The following SSUH2 variants were observed in gnomAD, a reference collection of about 807,000 sequenced individuals.
SSUH2 encodes the protein ssu-2 homolog, also known as protein SSUH2 homolog.
Under a neutral mutation model 55.3 loss-of-function variants are expected in SSUH2, and 47 were observed. That is an observed-to-expected ratio of 0.85 (90% confidence interval 0.67 to 1.08). The LOEUF (loss-of-function observed/expected upper bound fraction) is 1.08. Ranked by LOEUF, SSUH2 falls within the 50% of genes least tolerant of loss-of-function variation. SSUH2 has a pLI of 0.00. For synonymous variants in SSUH2, 212 were observed against 191.5 expected, an observed-to-expected ratio of 1.11 and a Z score of -0.89; for missense variants, 535 against 490.7, an observed-to-expected ratio of 1.09 and a Z score of -0.85.
At position 8,679,264 on chromosome 3, in the gene SSUH2, CT is replaced by C. The variant is rs1159011612; in HGVS notation, c.-901+440del. Among the ~76,000 whole-genome samples, 2 of 76,218 alleles carry C rather than the reference CT, an allele frequency of 2.6e-5. 1 individual carries two copies. Among genetic ancestry groups the C allele is most frequent in the Non-Finnish European group, 5.8e-5 (2 of 34,420 alleles). 50.0% of individuals were successfully genotyped at this position (76,218 alleles called of 152,430 possible). A position where few individuals can be genotyped will look rare whatever the true frequency, so the allele number is the denominator to read the frequency against. ...GAGAGCCAGCCAATTTTCCCCCTGGCTTTTAGGACCCCCATCGGAGGGGGGG... is the reference window on the plus strand; with the variant it reads ...GAGAGCCAGCCAATTTTCCCCCTGGCTTTAGGACCCCCATCGGAGGGGGGG... On this transcript the variant is annotated intron_variant, in intron 2 of 18. Transcript: ENST00000317371.
chr3:8,634,476 G>A lies in SSUH2; in HGVS notation c.210-681C>T, dbSNP rs1320366224. The A allele has an allele frequency of 4.7e-6, 6 of 1,289,772 alleles. No homozygotes were observed. The East Asian group carries it at 2.8e-4, about 60-fold the overall frequency. 79.9% of individuals were successfully genotyped at this position (1,289,772 alleles called of 1,614,324 possible). ...CTTGCATCTTCATGCATTTCTCCAT[G>A]GCAGCCCTGAGAGCCATTAATCCAC... is the stretch of plus-strand genomic sequence containing the variant. On this transcript the variant is annotated intron_variant, in intron 3 of 11. Transcript: ENST00000544814.
At chr3:8,643,903 C>T (rs1368645546) in intron 1 of SSUH2, among the ~76,000 whole-genome samples, 13 of 152,110 alleles carry the variant, frequency 8.5e-5, no homozygotes, top group Non-Finnish European at 1.8e-4. Context: ...AAGTGATTTG[C>T]CCAAGATCAC....
At chr3:8,681,634 G>A (rs889129243) in intron 1 of SSUH2, among the ~76,000 whole-genome samples, 7 of 148,478 alleles carry the variant, frequency 4.7e-5, no homozygotes, top group African/African-American at 1.7e-4. Flanking sequence ...CATCGCAGGA[G>A]GGTGAGGCAC....
Position 8,633,817 on chromosome 3 carries a change from G to T in SSUH2, c.210-22C>A, listed in dbSNP as rs1331736114. 2.5e-6 allele frequency: 4 copies of T among 1,612,104 alleles called. No individual in the cohort carries two copies. The East Asian group carries it at 8.9e-5, about 36-fold the overall frequency. ...GACTCTGCAGGGGACCGAACAGAGA[G>T]GCGGGGGCTTCTGGGAAGGGCCTGT... On this transcript the variant is annotated intron_variant, in intron 3 of 11. Transcript: ENST00000544814.
rs140276311 is a variant in SSUH2 at position 8,624,699 on chromosome 3, G to A, written c.873+843C>T. The stretch of plus-strand genomic sequence containing the variant: ...AGCTCTGTCCCACCATCAGGAAAGC[G>A]GCCATAGACAACCTGTCAGAAAATG... On this transcript the variant is annotated intron_variant, in intron 10 of 11. Transcript: ENST00000544814. 7.2e-4 allele frequency among the ~76,000 whole-genome samples: 110 copies of A among 152,300 alleles called. 1 individual carries two copies. Among genetic ancestry groups the A allele is most frequent in the South Asian group, 6.6e-3 (32 of 4,822 alleles).
chr3:8,673,753 C>T (rs1384623513), intron 3 of SSUH2, among the ~76,000 whole-genome samples: 8 of 152,126 alleles, frequency 5.3e-5, no homozygotes, highest in African/African-American at 1.9e-4. Context: ...TTACCAGGAA[C>T]CGAACACCTG....
intron 5 of SSUH2, chr3:8,664,050 T>C (rs1344836895): frequency 6.0e-6 from 2 of 335,238 alleles, no homozygotes; most frequent in Non-Finnish European, 1.2e-5. Context: ...ACGAGGTTTC[T>C]GCTGACCCAG....
At chr3:8,659,130 T>C (rs1427949380) in intron 6 of SSUH2, 1 of 152,184 alleles carries the variant, frequency 6.6e-6, no homozygotes, top group African/African-American at 2.4e-5. Context: ...ATCCATGCTG[T>C]TTCTTGGCGC....
At chr3:8,641,354 C>T (rs973994486) in intron 1 of SSUH2, among the ~76,000 whole-genome samples, 14 of 152,206 alleles carry the variant, frequency 9.2e-5, no homozygotes, top group African/African-American at 2.2e-4. Context: ...TAACCTGCTA[C>T]GCAGTCTTTG....
intron 6 of SSUH2, among the ~76,000 whole-genome samples, chr3:8,662,206 C>T (rs1425769904): frequency 6.6e-6 from 1 of 152,208 alleles, no homozygotes; most frequent in Non-Finnish European, 1.5e-5. Flanking sequence ...TAACACAGAA[C>T]AAAAGGCAGA....
intron 2 of SSUH2, among the ~76,000 whole-genome samples, chr3:8,678,372 C>G (rs1176041231): frequency 1.3e-5 from 2 of 152,078 alleles, no homozygotes; most frequent in African/African-American, 4.8e-5. Flanking sequence ...GTAATATCAT[C>G]CTCTCCCTTT....
intron 3 of SSUH2, among the ~76,000 whole-genome samples, chr3:8,673,577 G>A (rs62244229): frequency 0.073 from 11,146 of 152,266 alleles, 480 homozygotes; most frequent in Non-Finnish European, 0.099. Flanking sequence ...CTGTTATCCA[G>A]ACCCACAACC....
intron 6 of SSUH2, among the ~76,000 whole-genome samples, chr3:8,662,122 C>G (rs534268479): frequency 5.9e-5 from 9 of 152,292 alleles, no homozygotes; most frequent in Non-Finnish European, 1.0e-4. Flanking sequence ...CGAAAGTACA[C>G]TAATACACAT....
At chr3:8,631,585 G>A (rs1489705034) in intron 5 of SSUH2, among the ~76,000 whole-genome samples, 1 of 152,142 alleles carries the variant, frequency 6.6e-6, no homozygotes, top group Non-Finnish European at 1.5e-5. Flanking sequence ...GACCTGAGCG[G>A]TCTGTTAGGG....
At chr3:8,649,433 G>C (rs192211244), upstream of SSUH2, among the ~76,000 whole-genome samples, 1 of 152,178 alleles carries the variant, frequency 6.6e-6, no homozygotes, top group African/African-American at 2.4e-5. Context: ...CTCCCTTGGT[G>C]ACCTCCTTCA....
intron 3 of SSUH2, 116 bp downstream of exon 3, chr3:8,635,184 C>T (rs1199629406): frequency 2.6e-6 from 2 of 780,216 alleles, no homozygotes; most frequent in Admixed American, 5.4e-5. Context: ...TGCAGTAGGT[C>T]TGGGGTGCAG....
intron 5 of SSUH2, among the ~76,000 whole-genome samples, chr3:8,668,042 TAA>T (rs975693758): frequency 6.6e-6 from 1 of 151,992 alleles, no homozygotes; most frequent in Non-Finnish European, 1.5e-5. Context: ...TTTCAATTTT[TAA>T]AAAAAATTAA....
rs368994095 is a variant in SSUH2 at position 8,619,833 on chromosome 3, C to T, written c.*35G>A. The T allele has an allele frequency of 8.7e-6, 14 of 1,603,642 alleles. No homozygotes were observed. The highest frequency in any genetic ancestry group is 6.7e-5 in the African/African-American group (5 of 74,844). Reference sequence around the variant, plus strand: ...AGTGTCGGCCATCTTCCTTGGCAAACGTGAATGGCAGGCTCTGGGGACAGC... The same window carrying T: ...AGTGTCGGCCATCTTCCTTGGCAAATGTGAATGGCAGGCTCTGGGGACAGC... On this transcript the variant is annotated 3_prime_UTR_variant, in exon 12 of 12. Coordinates refer to ENST00000544814, the MANE Select transcript of SSUH2 (RefSeq NM_001256748.3).
At position 8,659,913 on chromosome 3, in the gene SSUH2, A is replaced by G. The variant is rs1007102; in HGVS notation, c.-395-900T>C. The G allele has an allele frequency of 6.0e-3, 2,442 of 409,048 alleles. 39 individuals are homozygous for G. Among genetic ancestry groups the G allele is most frequent in the African/African-American group, 0.034 (1,684 of 48,876 alleles). The allele number at this position is 409,048 out of a possible 1,614,324, so 25.3% of individuals were successfully genotyped here. On this transcript the variant is annotated intron_variant, in intron 6 of 18. Coordinates refer to the SSUH2 transcript ENST00000317371. ...ATCTTTCCAGGGAAGCAGACATCTGAGTTGGATCTTAAAGGGAGAATGGAG... is the reference window on the plus strand; with the variant it reads ...ATCTTTCCAGGGAAGCAGACATCTGGGTTGGATCTTAAAGGGAGAATGGAG...
Sources: gnomAD v4.1 joint callset for allele counts (sites outside exome capture counted in the v4.1 genomes callset) on GRCh38, gnomAD v4.1.1 for gene constraint, MANE v1.5 for transcripts, NCBI Gene and HGNC (gene_info 2026-07-23, HGNC 2026-07-21) for gene names.